RBM47: variants seen among roughly 807,000 people sequenced by gnomAD.
RBM47 encodes RNA-binding protein 47.
Under a neutral mutation model 47.1 loss-of-function variants are expected in RBM47, and 21 were observed. That is an observed-to-expected ratio of 0.45 (90% CI 0.32 to 0.64). The LOEUF is 0.64. Ranked by LOEUF, RBM47 falls within the 30% of genes least tolerant of loss-of-function variation. The pLI, the probability that RBM47 is intolerant of heterozygous loss-of-function variation, is 0.05. For missense variants in RBM47, 708 were observed against 870.9 expected (o/e 0.81, Z 2.35); for synonymous variants, 375 against 361.7 (o/e 1.04, Z -0.42).
At chr4:40,435,007 G>A (rs1469691107) in intron 5 of RBM47, among the ~76,000 whole-genome samples, 1 of 152,130 alleles carries the variant, frequency 6.6e-6, no homozygotes, top group Non-Finnish European at 1.5e-5. Flanking sequence ...AGGGTGCTAC[G>A]TGAGTTTGTG....
At chr4:40,473,188 C>T (rs1356338733) in intron 2 of RBM47, among the ~76,000 whole-genome samples, 3 of 152,178 alleles carry the variant, frequency 2.0e-5, no homozygotes, top group South Asian at 4.1e-4. Context: ...AAGCATTCCA[C>T]ATACATCGTC....
At position 40,437,834 on chromosome 4, in the gene RBM47, G is replaced by C. The variant is rs757022586; in HGVS notation, c.1060C>G (p.Leu354Val). Residue 354 changes from leucine (L) to valine (V), a missense_variant, in exon 4 of 7, where the codon CTG becomes GTG. Leu to Val is a conservative substitution (Grantham distance 32). Transcript: ENST00000295971. ...SYVYSCDPYTLAYYGYPYNAL... is the reference protein window; with the variant it reads ...SYVYSCDPYTVAYYGYPYNAL... ...TTGTAGGGGTAGCCGTAGTAGGCCA[G>C]TGTGTAGGGGTCGCAGGAGTACACG... The C allele has an allele frequency of 1.2e-6, 2 of 1,614,054 alleles. No individual in the cohort carries two copies. Among genetic ancestry groups the C allele is most frequent in the South Asian group, 1.1e-5 (1 of 91,072 alleles).
intron 5 of RBM47, among the ~76,000 whole-genome samples, chr4:40,436,102 G>C (rs953467474): frequency 1.3e-5 from 2 of 151,056 alleles, no homozygotes; most frequent in Non-Finnish European, 2.9e-5. Flanking sequence ...CACCCAGGAG[G>C]CAGAGCTTGC....
intron 2 of RBM47, among the ~76,000 whole-genome samples, chr4:40,483,358 G>A (rs537815416): frequency 1.3e-5 from 2 of 152,338 alleles, no homozygotes; most frequent in East Asian, 1.9e-4. Context: ...GACAGGCAGA[G>A]GAGTCCCTGA....
chr4:40,614,063 A>G (rs1218744032), intron 1 of RBM47, among the ~76,000 whole-genome samples: 2 of 152,118 alleles, frequency 1.3e-5, no homozygotes, highest in African/African-American at 4.8e-5. Context: ...TTGGAAGACA[A>G]AATCTAGAAC....
At chr4:40,581,609 A>G (rs1732952987) in intron 1 of RBM47, among the ~76,000 whole-genome samples, 1 of 149,228 alleles carries the variant, frequency 6.7e-6, no homozygotes, top group Non-Finnish European at 1.5e-5. Flanking sequence ...TTGTGAGTGG[A>G]TGAGAAGGTG....
chr4:40,569,075 G>C (rs1216976934), intron 1 of RBM47, among the ~76,000 whole-genome samples: 8 of 152,014 alleles, frequency 5.3e-5, no homozygotes, highest in Non-Finnish European at 1.2e-4. Context: ...TATGTGGTCT[G>C]GGAGGGACAT....
At chr4:40,461,843 G>A (rs1030120060) in intron 3 of RBM47, among the ~76,000 whole-genome samples, 1 of 151,810 alleles carries the variant, frequency 6.6e-6, no homozygotes, top group Non-Finnish European at 1.5e-5. Flanking sequence ...GCTGAGGTAG[G>A]AGAATCGCTT....
At chr4:40,563,868 A>G (rs1208933588) in intron 1 of RBM47, among the ~76,000 whole-genome samples, 1 of 152,212 alleles carries the variant, frequency 6.6e-6, no homozygotes, top group Admixed American at 6.5e-5. Flanking sequence ...TATGAAAAAT[A>G]TATTTTATGA....
At chr4:40,539,248 G>T (rs1401675011) in intron 2 of RBM47, among the ~76,000 whole-genome samples, 3 of 152,090 alleles carry the variant, frequency 2.0e-5, no homozygotes, top group African/African-American at 7.2e-5. Flanking sequence ...GAGCAGCCTG[G>T]GGTCATTTTG....
intron 1 of RBM47, among the ~76,000 whole-genome samples, chr4:40,579,835 C>T (rs1732711884): frequency 6.6e-6 from 1 of 152,034 alleles, no homozygotes; most frequent in Admixed American, 6.6e-5. Context: ...GCAACCTCTG[C>T]CTCCCTGGCT....
intron 1 of RBM47, among the ~76,000 whole-genome samples, chr4:40,565,620 C>T (rs1048056616): frequency 6.6e-6 from 1 of 152,126 alleles, no homozygotes; most frequent in African/African-American, 2.4e-5. Context: ...CGTGACAATC[C>T]ATCTGTGTGA....
chr4:40,491,413 T>G (rs530149537), intron 2 of RBM47, among the ~76,000 whole-genome samples: 1 of 152,316 alleles, frequency 6.6e-6, no homozygotes, highest in East Asian at 1.9e-4. Flanking sequence ...TTAGCTCAGG[T>G]AGGCAGCAGC....
intron 1 of RBM47, among the ~76,000 whole-genome samples, chr4:40,593,807 C>G (rs1734496157): frequency 6.6e-6 from 1 of 150,620 alleles, no homozygotes; most frequent in East Asian, 2.0e-4. Flanking sequence ...TGGCGCGAAC[C>G]TGGGAGGCAG....
At position 40,629,485 on chromosome 4, in the gene RBM47, TACA is replaced by T. The variant is rs954515409; in HGVS notation, c.-332_-330del. ...AACTTAACACAGCTAGGAAGTCACC[TACA>T]ACATCTTCTCGTCCGCCTTCTTTTT... On this transcript the variant is annotated 5_prime_UTR_variant, in exon 1 of 7. The change creates a premature stop within an existing upstream ORF in the 5' untranslated region. Transcript: ENST00000295971. The T allele has an allele frequency of 3.3e-5, 5 of 152,162 alleles. No individual in the cohort carries two copies. The highest frequency in any genetic ancestry group is 3.3e-4 in the Admixed American group (5 of 15,274). The allele number at this position is 152,162 out of a possible 1,614,324, so 9.4% of individuals were successfully genotyped here.
At chr4:40,595,888 G>C (rs1734706469) in intron 1 of RBM47, among the ~76,000 whole-genome samples, 1 of 150,950 alleles carries the variant, frequency 6.6e-6, no homozygotes, top group Non-Finnish European at 1.5e-5. Flanking sequence ...CTGGGCAACA[G>C]AGTGAAACTT....
intron 1 of RBM47, among the ~76,000 whole-genome samples, chr4:40,615,183 T>A (rs1276672236): frequency 6.6e-6 from 1 of 152,054 alleles, no homozygotes; most frequent in Non-Finnish European, 1.5e-5. Flanking sequence ...GGGTGCTCAA[T>A]AAATGTTAGT....
At chr4:40,581,531 A>C (rs1447408394) in intron 1 of RBM47, among the ~76,000 whole-genome samples, 1 of 151,922 alleles carries the variant, frequency 6.6e-6, no homozygotes, top group Non-Finnish European at 1.5e-5. Context: ...AAGAATGAGA[A>C]AGCATCTCAT....
intron 2 of RBM47, among the ~76,000 whole-genome samples, chr4:40,527,027 G>T (rs1000181911): frequency 3.2e-4 from 49 of 152,132 alleles, no homozygotes; most frequent in Non-Finnish European, 4.9e-4. Flanking sequence ...GCCCAAGTCA[G>T]CTATAGCTGT....
Sources: allele counts gnomAD v4.1 joint callset (sites outside exome capture counted in the v4.1 genomes callset), GRCh38; gene constraint gnomAD v4.1.1; transcripts MANE v1.5; gene names NCBI Gene and HGNC (gene_info 2026-07-23, HGNC 2026-07-21).